DDHD1: variants seen among roughly 807,000 people sequenced by gnomAD.
The protein encoded by DDHD1 is phospholipase DDHD1.
In DDHD1, 49 loss-of-function variants were observed where a neutral mutation model predicts 96.4. That is an observed-to-expected ratio of 0.51 (90% CI 0.40 to 0.64). The LOEUF (loss-of-function observed/expected upper bound fraction) is 0.64. Among genes scored for constraint, DDHD1 ranks in the 30% least tolerant of loss-of-function variants. DDHD1 has a pLI of 0.00. For missense variants in DDHD1, 1,106 were observed against 1,161.2 expected (o/e 0.95, Z 0.69); for synonymous variants, 442 against 446.5 (o/e 0.99, Z 0.13).
chr14:53,088,064 A>G, intron 4 of DDHD1, among the ~76,000 whole-genome samples: 1 of 152,254 alleles, frequency 6.6e-6, no homozygotes, highest in East Asian at 1.9e-4. Flanking sequence ...CAGAAAATCT[A>G]GAAGAAATGG....
chr14:53,076,187 G>A (rs868693725), intron 4 of DDHD1, among the ~76,000 whole-genome samples: 12 of 152,012 alleles, frequency 7.9e-5, no homozygotes, highest in Middle Eastern at 3.4e-3. Context: ...AAAGTATTCC[G>A]GAAGGAACTC....
At chr14:53,128,073 C>T (rs1020328272) in intron 1 of DDHD1, among the ~76,000 whole-genome samples, 1 of 152,148 alleles carries the variant, frequency 6.6e-6, no homozygotes, top group South Asian at 2.1e-4. Context: ...TTCCCCTCTT[C>T]GCTCTATATT....
chr14:53,092,704 G>A (rs1256829359), intron 3 of DDHD1: 1 of 152,250 alleles, frequency 6.6e-6, no homozygotes, highest in Non-Finnish European at 1.5e-5. Context: ...AATTAGCTGG[G>A]CATAGTGATG....
Position 53,152,989 on chromosome 14 carries a change from C to T in DDHD1, c.110G>A (p.Gly37Asp). 1.3e-6 allele frequency: 2 copies of T among 1,553,614 alleles called. No homozygotes were observed. The highest frequency in any genetic ancestry group is 1.7e-6 in the Non-Finnish European group (2 of 1,152,404). Residue 37 changes from glycine (G) to aspartate (D), a missense_variant, in exon 1 of 13, where the codon GGC becomes GAC. By Grantham distance (94) the Gly-to-Asp change is moderately conservative (BLOSUM62 -1). Coordinates refer to ENST00000673822, the MANE Select transcript of DDHD1 (RefSeq NM_001160148.2). ...GGGCAGGTGCTCGAAGCAGCAGACG[C>T]CGCCGCCGAACGCTGGCCTCGCGTC... ...GSDARPAFGGGVCCFEHLPGG... is the reference protein window; with the variant it reads ...GSDARPAFGGDVCCFEHLPGG...
At chr14:53,119,255 T>A (rs1036070103) in intron 1 of DDHD1, among the ~76,000 whole-genome samples, 1 of 152,100 alleles carries the variant, frequency 6.6e-6, no homozygotes, top group Non-Finnish European at 1.5e-5. Context: ...ACTGCAGCAA[T>A]TAATGGGCAA....
At chr14:53,125,334 C>T (rs1257813559) in intron 1 of DDHD1, among the ~76,000 whole-genome samples, 7 of 151,962 alleles carry the variant, frequency 4.6e-5, no homozygotes, top group Non-Finnish European at 1.0e-4. Flanking sequence ...ATTTTATATG[C>T]TTAGGGAAAA....
chr14:53,151,149 G>A (rs1040510128), intron 1 of DDHD1, among the ~76,000 whole-genome samples: 2 of 152,168 alleles, frequency 1.3e-5, no homozygotes, highest in African/African-American at 2.4e-5. Flanking sequence ...AGAGTACAAA[G>A]ATAAAGGTGA....
At chr14:53,150,570 G>C (rs542538918) in intron 1 of DDHD1, among the ~76,000 whole-genome samples, 103 of 152,306 alleles carry the variant, frequency 6.8e-4, no homozygotes, top group African/African-American at 2.4e-3. Flanking sequence ...AGTATTCTTG[G>C]TGAATATACT....
At chr14:53,076,560 T>TG (rs1312858732) in intron 4 of DDHD1, among the ~76,000 whole-genome samples, 2 of 152,324 alleles carry the variant, frequency 1.3e-5, no homozygotes, top group East Asian at 3.9e-4. Flanking sequence ...GATAAGGCAG[T>TG]GGCAGGGTTT....
intron 2 of DDHD1, among the ~76,000 whole-genome samples, chr14:53,096,953 A>G (rs540115735): frequency 1.0e-3 from 152 of 152,152 alleles, no homozygotes; most frequent in Non-Finnish European, 2.0e-3. Context: ...CACAGACTTG[A>G]TATTTGGCAA....
chr14:53,055,789 C>G lies in DDHD1; in HGVS notation c.2116G>C (p.Ala706Pro). ...EHMKPSFLNP[A>P]KEPTSVSENE... ...TCTGAAACTGAGGTAGGTTCTTTAG[C>G]TGGGTTGAGAAAGCTTGGCTTCATA... Residue 706 changes from alanine to proline, a missense_variant, in exon 10 of 13, where the codon GCT becomes CCT. Coordinates refer to ENST00000673822, the MANE Select transcript of DDHD1 (RefSeq NM_001160148.2). 6.2e-7 allele frequency: 1 copy of G among 1,613,894 alleles called. No homozygotes were observed. Among genetic ancestry groups the G allele is most frequent in the Non-Finnish European group, 8.5e-7 (1 of 1,179,994 alleles).
intron 1 of DDHD1, among the ~76,000 whole-genome samples, chr14:53,146,835 A>T (rs901762126): frequency 4.6e-5 from 7 of 151,958 alleles, no homozygotes; most frequent in Admixed American, 3.9e-4. Flanking sequence ...CTATAAAAAA[A>T]TTTTTCCTTG....
At chr14:53,132,220 C>A (rs1889917110) in intron 1 of DDHD1, among the ~76,000 whole-genome samples, 2 of 152,110 alleles carry the variant, frequency 1.3e-5, no homozygotes, top group South Asian at 2.1e-4. Flanking sequence ...GCTGTGTGGT[C>A]AGGATTCTTA....
intron 1 of DDHD1, among the ~76,000 whole-genome samples, chr14:53,117,568 T>C (rs1299252063): frequency 6.6e-6 from 1 of 152,132 alleles, no homozygotes. Context: ...AGATCAACCT[T>C]TGAGGCTGTA....
At chr14:53,083,658 A>G (rs918885277) in intron 4 of DDHD1, among the ~76,000 whole-genome samples, 1 of 152,224 alleles carries the variant, frequency 6.6e-6, no homozygotes, top group African/African-American at 2.4e-5. Context: ...ATCAATCACA[A>G]GTACACACAA....
At chr14:53,052,530 GAA>G (rs1882689846) in intron 11 of DDHD1, 1 of 152,036 alleles carries the variant, frequency 6.6e-6, no homozygotes, top group Non-Finnish European at 1.5e-5. Flanking sequence ...ATTTAATGAA[GAA>G]AAGTTTTATG....
chr14:53,067,340 G>C (rs1290924347), intron 6 of DDHD1, among the ~76,000 whole-genome samples: 4 of 151,812 alleles, frequency 2.6e-5, no homozygotes. Flanking sequence ...TCTATTTTTA[G>C]TAGAGATGGA....
At chr14:53,149,432 C>T (rs961379554) in intron 1 of DDHD1, among the ~76,000 whole-genome samples, 7 of 152,094 alleles carry the variant, frequency 4.6e-5, no homozygotes, top group Non-Finnish European at 8.8e-5. Context: ...AAAGCTGCAA[C>T]GTATAGTATG....
At chr14:53,102,556 T>C (rs1438681117) in intron 2 of DDHD1, among the ~76,000 whole-genome samples, 4 of 152,096 alleles carry the variant, frequency 2.6e-5, no homozygotes, top group South Asian at 2.1e-4. Context: ...TCCTCAGTTA[T>C]ATAGACTTTT....
Sources: gnomAD v4.1 joint callset for allele counts (sites outside exome capture counted in the v4.1 genomes callset) on GRCh38, gnomAD v4.1.1 for gene constraint, MANE v1.5 for transcripts, NCBI Gene and HGNC (gene_info 2026-07-23, HGNC 2026-07-21) for gene names.